The following SPEG variants were observed in gnomAD, a reference collection of about 807,000 sequenced individuals.
SPEG encodes the protein striated muscle preferentially expressed protein kinase.
SPEG carries 114 observed loss-of-function variants against 300.4 expected under a neutral mutation model. That is an observed-to-expected ratio of 0.38 (90% CI 0.33 to 0.44). The LOEUF is 0.44. SPEG is among the 20% of genes least tolerant of loss of function. SPEG has a pLI of 1.00. For synonymous variants in SPEG, 1,964 were observed against 2,018.9 expected (o/e 0.97, Z 0.73); for missense variants, 4,201 against 4,586.2 (o/e 0.92, Z 2.43).
At chr2:219,460,569 C>T in intron 6 of SPEG, 1 of 985,466 alleles carries the variant, frequency 1.0e-6, no homozygotes, top group Non-Finnish European at 1.2e-6. Context: ...GGGCTTTGCT[C>T]TTGTCAGGGT....
chr2:219,466,919 C>G, intron 9 of SPEG: 1 of 1,141,244 alleles, frequency 8.8e-7, no homozygotes, highest in Non-Finnish European at 1.1e-6. Context: ...ACGTGGCCCT[C>G]TCAGTTTCCC....
chr2:219,446,975 CTTT>C (rs61280107), intron 3 of SPEG, among the ~76,000 whole-genome samples: 3 of 122,242 alleles, frequency 2.5e-5, no homozygotes, highest in African/African-American at 6.3e-5. Context: ...CATTTAATTC[CTTT>C]TTTTTTTTTT....
Position 219,489,520 on chromosome 2 carries a change from G to C in SPEG, c.8502G>C (p.Ser2834=), listed in dbSNP as rs148685205. The C allele has an allele frequency of 1.1e-4, 181 of 1,605,300 alleles. No homozygotes were observed. Among genetic ancestry groups the C allele is most frequent in the Non-Finnish European group, 1.5e-4 (177 of 1,178,860 alleles). The change falls in exon 36 of 41, where the codon TCG becomes TCC. Residue 2834 remains serine, a synonymous_variant. Coordinates refer to ENST00000312358, the MANE Select transcript of SPEG (RefSeq NM_005876.5). ...PPTPPSQALS[S]LKAVGPPPQT... ...CACCTCCTAGCCAGGCCTTGTCCTC[G>C]CTCAAGGCTGTGGGTCCACCACCCC...
intron 1 of SPEG, among the ~76,000 whole-genome samples, chr2:219,437,113 C>A (rs1345824549): frequency 6.6e-6 from 1 of 152,170 alleles, no homozygotes; most frequent in African/African-American, 2.4e-5. Flanking sequence ...TAGTTAGAGA[C>A]ATAGCTAGTT....
chr2:219,492,972 C>A lies in SPEG; in HGVS notation c.*186C>A. 1 of 743,890 alleles carries A rather than the reference C, an allele frequency of 1.3e-6. No homozygotes were observed. Among genetic ancestry groups the A allele is most frequent in the Non-Finnish European group, 2.4e-6 (1 of 423,752 alleles). 46.1% of individuals were successfully genotyped at this position (743,890 alleles called of 1,614,324 possible). On this transcript the variant is annotated 3_prime_UTR_variant, in exon 41 of 41. Coordinates refer to ENST00000312358, the MANE Select transcript of SPEG (RefSeq NM_005876.5). The stretch of plus-strand genomic sequence containing the variant: ...ACCCCAGGGCCTGGACCTGATGCCA[C>A]CCCAGGCCAAAGCCAGAGTGGGAGA...
chr2:219,477,216 C>CGGTGCCTGGTACAGCGGCT lies in SPEG; in HGVS notation c.4561-61_4561-60insGGTGCCTGGTACAGCGGCT. On this transcript the variant is annotated intron_variant, in intron 19 of 40. Coordinates refer to ENST00000312358, the MANE Select transcript of SPEG (RefSeq NM_005876.5). This position sits in a 1 kb window ranked among gnomAD's most constrained non-coding sequence, Gnocchi z 6.4. ...GCGCTGCCCAGAGTAGGAGATGAGG[C>CGGTGCCTGGTACAGCGGCT]CCTGGCCCCAAGGTAGAGATGAGGC... 1 of 1,467,326 alleles carries CGGTGCCTGGTACAGCGGCT rather than the reference C, an allele frequency of 6.8e-7. No individual in the cohort carries two copies. The highest frequency in any genetic ancestry group is 9.2e-7 in the Non-Finnish European group (1 of 1,088,648). 90.9% of individuals were successfully genotyped at this position (1,467,326 alleles called of 1,614,324 possible). A position where few individuals can be genotyped will look rare whatever the true frequency, so the allele number is the denominator to read the frequency against.
chr2:219,484,193 C>G lies in SPEG; in HGVS notation c.6730C>G (p.Pro2244Ala), dbSNP rs1299132523. The change falls in exon 30 of 41, where the codon CCC (proline) becomes GCC (alanine). Residue 2244 changes from proline to alanine, a missense_variant. Pro to Ala is a conservative substitution (Grantham distance 27, BLOSUM62 -1). This residue lies in a region of SPEG where 1,578 missense variants were observed against 1,506.0 expected (regional missense o/e 1.05). Transcript: ENST00000312358. ...ALQTLALPLT[P>A]YAQIIQSLQL... ...GCAAACCCTAGCGCTGCCCCTCACA[C>G]CCTATGCTCAGATCATTCAGTCCCT... 6.2e-7 allele frequency: 1 copy of G among 1,612,558 alleles called. No individual in the cohort carries two copies. Among genetic ancestry groups the G allele is most frequent in the Non-Finnish European group, 8.5e-7 (1 of 1,179,808 alleles).
chr2:219,469,526 C>T (rs1408443015), intron 13 of SPEG, 147 bp downstream of exon 13: 3 of 673,140 alleles, frequency 4.5e-6, no homozygotes, highest in Non-Finnish European at 5.1e-6. Flanking sequence ...CCCGGAGGGA[C>T]TGTGAGGTCA....
chr2:219,493,233 C>A lies in SPEG; in HGVS notation c.*447C>A. The A allele has an allele frequency of 2.7e-6, 1 of 366,896 alleles. No homozygotes were observed. The highest frequency in any genetic ancestry group is 5.3e-6 in the Non-Finnish European group (1 of 187,076). The allele number at this position is 366,896 out of a possible 1,614,324, so 22.7% of individuals were successfully genotyped here. On this transcript the variant is annotated 3_prime_UTR_variant, in exon 41 of 41. Transcript: ENST00000312358. ...GGGAGTCAGTGTGGCAAAGCGGGGG[C>A]AGGACACAGATACAGTGGCAGGGGC...
Position 219,448,983 on chromosome 2 carries a change from A to C in SPEG, c.1825A>C (p.Ser609Arg). The C allele has an allele frequency of 6.7e-7, 1 of 1,499,378 alleles. No individual in the cohort carries two copies. The highest frequency in any genetic ancestry group is 1.3e-5 in the South Asian group (1 of 77,778). The allele number at this position is 1,499,378 out of a possible 1,614,324, so 92.9% of individuals were successfully genotyped here. A position where few individuals can be genotyped will look rare whatever the true frequency, so the allele number is the denominator to read the frequency against. Residue 609 changes from serine to arginine, a missense_variant, in exon 4 of 41, where the codon AGC (serine) becomes CGC (arginine). Physicochemically the swap from Ser to Arg is moderately radical, Grantham distance 110. Around this residue, in one of 4 missense-constraint regions of SPEG, gnomAD observed 1,258 missense variants for 1,293.9 expected, o/e 0.97. Coordinates refer to ENST00000312358, the MANE Select transcript of SPEG (RefSeq NM_005876.5). ...TRSRAIQECR[S>R]PVPPPAADPP... ...GAGCAGAGCCATCCAGGAGTGCAGG[A>C]GCCCTGTGCCGCCCCCCGCCGCCGA...
At position 219,435,031 on chromosome 2, in the gene SPEG, CA is replaced by C. The variant is rs1559358189; in HGVS notation, c.55del (p.Ser19AlafsTer31). The C allele has an allele frequency of 6.7e-7, 1 of 1,499,492 alleles. No homozygotes were observed. Among genetic ancestry groups the C allele is most frequent in the Non-Finnish European group, 8.8e-7 (1 of 1,132,154 alleles). The allele number at this position is 1,499,492 out of a possible 1,614,324, so 92.9% of individuals were successfully genotyped here. A position where few individuals can be genotyped will look rare whatever the true frequency, so the allele number is the denominator to read the frequency against. On this transcript the variant is annotated frameshift_variant, in exon 1 of 41. Transcript: ENST00000312358. LOFTEE classifies it high-confidence loss of function. ...AGGATGCGGGCACGAGGGCACCCCC[CA>C]GCCCCGGAGTGCCCCCGAAAAGGGC... ...GEDAGTRAPP[S>X]PGVPPKRAKV...
At chr2:219,475,828 C>T (rs1052771154) in intron 18 of SPEG, among the ~76,000 whole-genome samples, 2 of 152,226 alleles carry the variant, frequency 1.3e-5, no homozygotes, top group African/African-American at 4.8e-5. Context: ...CACCCAGCCA[C>T]ACCCAGACAG....
intron 9 of SPEG, chr2:219,465,990 T>TGC: frequency 1.5e-6 from 2 of 1,362,304 alleles, no homozygotes; most frequent in Non-Finnish European, 2.1e-6. Flanking sequence ...TGTGTGTGTG[T>TGC]GCGCGTGCGT....
Position 219,483,689 on chromosome 2 carries a change from C to A in SPEG, c.6226C>A (p.Arg2076=). 1 of 1,533,964 alleles carries A rather than the reference C, an allele frequency of 6.5e-7. No individual in the cohort carries two copies. The highest frequency in any genetic ancestry group is 1.2e-5 in the South Asian group (1 of 84,108). ...RLQALRQRLL[R]GGPEDGKVSG... is the part of the protein sequence containing the mutation. ...GCAGGCCCTGCGCCAGCGGCTGCTG[C>A]GGGGAGGCCCCGAGGATGGCAAGGT... The change falls in exon 30 of 41, where the codon CGG becomes AGG. Residue 2076 remains arginine, a synonymous_variant. Coordinates refer to ENST00000312358, the MANE Select transcript of SPEG (RefSeq NM_005876.5).
In SPEG at chr2:219,488,682, G is replaced by A. The variant is rs1414808854; in HGVS notation, c.8026+17G>A. The A allele has an allele frequency of 1.2e-6, 2 of 1,602,424 alleles. No individual in the cohort carries two copies. Among genetic ancestry groups the A allele is most frequent in the South Asian group, 1.1e-5 (1 of 89,952 alleles). The stretch of plus-strand genomic sequence containing the variant: ...CTGTGGCCCGTGAGCCTGGGGCAGG[G>A]CCCCAGGGGGGTAGTGATGGGGATG... On this transcript the variant is annotated intron_variant, in intron 33 of 40. Coordinates refer to ENST00000312358, the MANE Select transcript of SPEG (RefSeq NM_005876.5).
rs201240253 is a variant in SPEG, at chr2:219,489,462, C to T, written c.8444C>T (p.Pro2815Leu). 65 of 1,612,100 alleles carry T rather than the reference C, an allele frequency of 4.0e-5. No homozygotes were observed. Among genetic ancestry groups the T allele is most frequent in the Middle Eastern group, 3.3e-4 (2 of 6,056 alleles). Residue 2815 changes from proline to leucine, a missense_variant, in exon 36 of 41, where the codon CCG becomes CTG. Coordinates refer to ENST00000312358, the MANE Select transcript of SPEG (RefSeq NM_005876.5). ...PPLAPAAPTP[P>L]SVTVSPSSPP... ...CTAGCTCCTGCTGCCCCCACACCCC[C>T]GTCAGTCACTGTCAGCCCCTCATCT...
At chr2:219,472,372 G>T (rs760154518) in intron 15 of SPEG, 41 bp downstream of exon 15, 1 of 1,561,530 alleles carries the variant, frequency 6.4e-7, no homozygotes, top group South Asian at 1.1e-5. Flanking sequence ...GGGAAGGGGT[G>T]TGGAGAAGGC....
Position 219,483,444 on chromosome 2 carries a change from C to G in SPEG, c.5981C>G (p.Ser1994Cys). ...QEAPSPEALP[S>C]PGQEPAAGAS... ...GCTCCCAGCCCAGAGGCCCTCCCCT[C>G]CCCAGGCCAGGAGCCCGCAGCTGGG... is the stretch of plus-strand genomic sequence containing the variant. The change falls in exon 30 of 41, where the codon TCC (serine) becomes TGC (cysteine). Residue 1994 changes from serine to cysteine, a missense_variant. Around this residue, in one of 4 missense-constraint regions of SPEG, gnomAD observed 1,578 missense variants for 1,506.0 expected, o/e 1.05. Transcript: ENST00000312358. 1.3e-6 allele frequency: 2 copies of G among 1,537,738 alleles called. No individual in the cohort carries two copies. Among genetic ancestry groups the G allele is most frequent in the Non-Finnish European group, 1.7e-6 (2 of 1,150,640 alleles).
chr2:219,489,945 C>A lies in SPEG; in HGVS notation c.8921+6C>A. Reference sequence around the variant, plus strand: ...TTCCTGGAGGAGAAAGCCAGGCAAGCAGGGCTGGGGAAGGGAAGAGGACAG... The same window carrying A: ...TTCCTGGAGGAGAAAGCCAGGCAAGAAGGGCTGGGGAAGGGAAGAGGACAG... On this transcript the variant is annotated splice_donor_region_variant and intron_variant, in intron 36 of 40. Coordinates refer to ENST00000312358, the MANE Select transcript of SPEG (RefSeq NM_005876.5). 6.4e-7 allele frequency: 1 copy of A among 1,558,248 alleles called. No individual in the cohort carries two copies.
Sources: allele counts gnomAD v4.1 joint callset (sites outside exome capture counted in the v4.1 genomes callset), GRCh38; gene constraint gnomAD v4.1.1; regional missense constraint gnomAD v4.1.1; non-coding constraint Gnocchi (gnomAD v3.1); transcripts MANE v1.5; gene names NCBI Gene and HGNC (gene_info 2026-07-23, HGNC 2026-07-21).